The following ZNF423 variants were observed in gnomAD, a reference collection of about 807,000 sequenced individuals.
The protein encoded by ZNF423 is Ebf-associated zinc finger protein.
ZNF423 carries 12 observed loss-of-function variants against 95.8 expected under a neutral mutation model. The observed-to-expected ratio is 0.13, with a 90% CI of 0.08 to 0.20. The LOEUF (loss-of-function observed/expected upper bound fraction) is 0.20. Among genes scored for constraint, ZNF423 ranks in the 10% least tolerant of loss-of-function variants. ZNF423 has a pLI of 1.00. For synonymous variants in ZNF423, 749 were observed against 711.9 expected (o/e 1.05, Z -0.83); for missense variants, 1,316 against 1,737.1 (o/e 0.76, Z 4.31).
At chr16:49,687,741 C>G (rs1026201320) in intron 3 of ZNF423, among the ~76,000 whole-genome samples, 2 of 152,202 alleles carry the variant, frequency 1.3e-5, no homozygotes, top group Admixed American at 1.3e-4. Flanking sequence ...AGGTTCCGTC[C>G]TGCTGCGGCT....
intron 3 of ZNF423, among the ~76,000 whole-genome samples, chr16:49,647,285 G>A (rs936866350): frequency 6.6e-6 from 1 of 152,248 alleles, no homozygotes; most frequent in Non-Finnish European, 1.5e-5. Context: ...ACTAATGAAT[G>A]TTGCTGGCCT....
intron 3 of ZNF423, among the ~76,000 whole-genome samples, chr16:49,687,941 T>C (rs2031628588): frequency 6.6e-6 from 1 of 151,962 alleles, no homozygotes; most frequent in African/African-American, 2.4e-5. Flanking sequence ...CGGCTGCATC[T>C]TGGAAGGTCC....
chr16:49,591,356 C>G (rs1282788062), intron 5 of ZNF423, among the ~76,000 whole-genome samples: 2 of 152,072 alleles, frequency 1.3e-5, no homozygotes, highest in Non-Finnish European at 2.9e-5. Flanking sequence ...CATTATAACC[C>G]CACTGGAAAC....
At chr16:49,557,218 T>C (rs1969857061) in intron 5 of ZNF423, among the ~76,000 whole-genome samples, 1 of 152,158 alleles carries the variant, frequency 6.6e-6, no homozygotes, top group Non-Finnish European at 1.5e-5. Context: ...TCGGAGAGTA[T>C]TCCTAGGGCG....
intron 1 of ZNF423, among the ~76,000 whole-genome samples, chr16:49,835,006 G>A (rs1162271627): frequency 3.3e-5 from 5 of 152,150 alleles, no homozygotes; most frequent in Admixed American, 2.6e-4. Flanking sequence ...AGGGCTGAGC[G>A]GCAGAGGGGC....
chr16:49,510,556 C>T lies in ZNF423; in HGVS notation c.3849+13068G>A, dbSNP rs183976375. 5.3e-5 allele frequency among the ~76,000 whole-genome samples: 8 copies of T among 152,324 alleles called. No individual in the cohort carries two copies. The East Asian group carries it at 1.5e-3, about 29-fold the overall frequency. On this transcript the variant is annotated intron_variant, in intron 7 of 7. Transcript: ENST00000563137. ...TGTTGTAAATGGGTAAACTGAGACT[C>T]CCCATGTGGGCAGAGCTGCCAGGAA...
intron 5 of ZNF423, among the ~76,000 whole-genome samples, chr16:49,613,338 GAACCC>G (rs1971783859): frequency 6.6e-6 from 1 of 152,172 alleles, no homozygotes; most frequent in African/African-American, 2.4e-5. Context: ...TACATCAGTG[GAACCC>G]AGAAACAGAC....
In ZNF423 at chr16:49,592,586, G is replaced by C. The variant is rs79045951; in HGVS notation, c.3601+33584C>G. On this transcript the variant is annotated intron_variant, in intron 5 of 7. Coordinates refer to ENST00000563137, the MANE Select transcript of ZNF423 (RefSeq NM_001379286.1). ...TTCCCTGGCCTGGGCCATAAGCCAT[G>C]AACCAAAACGTGAATAAGACAGCTC... Among the ~76,000 whole-genome samples, 348 of 152,366 alleles carry C rather than the reference G, an allele frequency of 2.3e-3. 1 individual carries two copies. The highest frequency in any genetic ancestry group is 8.1e-3 in the African/African-American group (339 of 41,600).
At chr16:49,740,479 A>T (rs2033392225) in intron 2 of ZNF423, among the ~76,000 whole-genome samples, 1 of 152,228 alleles carries the variant, frequency 6.6e-6, no homozygotes, top group African/African-American at 2.4e-5. Context: ...ATTTATCTTC[A>T]GGTTTAAAAT....
chr16:49,807,377 G>A (rs1394108662), intron 1 of ZNF423, among the ~76,000 whole-genome samples: 2 of 151,950 alleles, frequency 1.3e-5, no homozygotes, highest in African/African-American at 4.8e-5. Context: ...CTTGCAGTGA[G>A]TGGAGATAGC....
At chr16:49,757,366 A>G (rs2033746447) in intron 2 of ZNF423, among the ~76,000 whole-genome samples, 1 of 152,106 alleles carries the variant, frequency 6.6e-6, no homozygotes, top group Non-Finnish European at 1.5e-5. Context: ...GAGTCATAAA[A>G]CCACTATCCT....
intron 5 of ZNF423, among the ~76,000 whole-genome samples, chr16:49,541,424 G>T (rs1236307723): frequency 6.6e-6 from 1 of 152,188 alleles, no homozygotes; most frequent in East Asian, 1.9e-4. Context: ...TGCTATTTTG[G>T]TTAAGAAAGA....
At chr16:49,651,337 T>C (rs1406555833) in intron 3 of ZNF423, among the ~76,000 whole-genome samples, 2 of 152,134 alleles carry the variant, frequency 1.3e-5, no homozygotes, top group Non-Finnish European at 2.9e-5. Flanking sequence ...ACTTACGGTT[T>C]TTCTTGAAGG....
Position 49,519,399 on chromosome 16 carries a change from C to A in ZNF423, c.3849+4225G>T, listed in dbSNP as rs187395311. 3.9e-5 allele frequency among the ~76,000 whole-genome samples: 6 copies of A among 152,304 alleles called. No individual in the cohort carries two copies. The East Asian group carries it at 9.6e-4, about 24-fold the overall frequency. On this transcript the variant is annotated intron_variant, in intron 7 of 7. Transcript: ENST00000563137. ...TGGCCATACCATCTTGCACTGCCAC[C>A]AGCAATGTGTGAAAGTTCCTATCCC...
intron 7 of ZNF423, among the ~76,000 whole-genome samples, chr16:49,510,043 C>A (rs1284085213): frequency 6.6e-6 from 1 of 152,244 alleles, no homozygotes; most frequent in South Asian, 2.1e-4. Context: ...ACTTACCAGC[C>A]GTGGGACACG....
rs71390258 is a variant in ZNF423, at chr16:49,644,686, A to ACC, written c.302-5813_302-5812insGG. Among the ~76,000 whole-genome samples, 999 of 121,652 alleles carry ACC rather than the reference A, an allele frequency of 8.2e-3. 57 individuals carry two copies. The highest frequency in any genetic ancestry group is 0.032 in the African/African-American group (949 of 29,330). 79.8% of individuals were successfully genotyped at this position (121,652 alleles called of 152,430 possible). A position where few individuals can be genotyped will look rare whatever the true frequency, so the allele number is the denominator to read the frequency against. On this transcript the variant is annotated intron_variant, in intron 3 of 7. Coordinates refer to ENST00000563137, the MANE Select transcript of ZNF423 (RefSeq NM_001379286.1). ...AAAAAAAAAAAAAAAAAAAAAAAAA[A>ACC]AAAAAAAAAAACCGTGAGCCTACAG...
chr16:49,545,842 A>T (rs989998639), intron 5 of ZNF423, among the ~76,000 whole-genome samples: 1 of 152,132 alleles, frequency 6.6e-6, no homozygotes, highest in Non-Finnish European at 1.5e-5. Context: ...TCAGCTAAAC[A>T]CTTTACATCT....
intron 3 of ZNF423, among the ~76,000 whole-genome samples, chr16:49,675,137 T>C (rs954888453): frequency 3.3e-5 from 5 of 152,210 alleles, no homozygotes; most frequent in Non-Finnish European, 7.3e-5. Flanking sequence ...CATTTATAGC[T>C]GGTCTACTAA....
At chr16:49,712,808 A>C (rs754065609) in intron 3 of ZNF423, among the ~76,000 whole-genome samples, 7 of 152,242 alleles carry the variant, frequency 4.6e-5, no homozygotes, top group Non-Finnish European at 1.0e-4. Flanking sequence ...TAATGAACAA[A>C]GAGGCTCCGC....
Sources: gnomAD v4.1 joint callset for allele counts (sites outside exome capture counted in the v4.1 genomes callset) on GRCh38, gnomAD v4.1.1 for gene constraint, MANE v1.5 for transcripts, NCBI Gene and HGNC (gene_info 2026-07-23, HGNC 2026-07-21) for gene names.